CBX1: variants seen among roughly 807,000 people sequenced by gnomAD.
CBX1 encodes the protein chromobox protein homolog 1.
Under a neutral mutation model 25.1 loss-of-function variants are expected in CBX1, and 10 were observed. The observed-to-expected ratio is 0.40, with a 90% confidence interval of 0.25 to 0.68. The LOEUF (loss-of-function observed/expected upper bound fraction) is 0.68. Ranked by LOEUF, CBX1 falls within the 30% of genes least tolerant of loss-of-function variation. The pLI, the probability that CBX1 is intolerant of heterozygous loss-of-function variation, is 0.40. For missense variants in CBX1, 106 were observed against 218.5 expected (o/e 0.49, Z 3.25); for synonymous variants, 63 against 79.4 (o/e 0.79, Z 1.10).
chr17:48,095,602 T>C (rs2063370139), intron 1 of CBX1: 2 of 152,196 alleles, frequency 1.3e-5, no homozygotes, highest in Non-Finnish European at 2.9e-5. Context: ...GGAATAGAAT[T>C]CCAAAGCTAT....
At chr17:48,088,480 G>A (rs1174746578) in intron 1 of CBX1, among the ~76,000 whole-genome samples, 18 of 151,900 alleles carry the variant, frequency 1.2e-4, no homozygotes, top group Admixed American at 1.1e-3. Context: ...TTAGCCGGGC[G>A]TGGTGGCGCA....
At chr17:48,090,190 C>CTGCG (rs1046952165) in intron 1 of CBX1, among the ~76,000 whole-genome samples, 14 of 152,130 alleles carry the variant, frequency 9.2e-5, no homozygotes, top group African/African-American at 3.4e-4. Flanking sequence ...GCACGAGTCA[C>CTGCG]TGCGCCCGGC....
At chr17:48,074,273 A>AT (rs1306961520) in intron 4 of CBX1, among the ~76,000 whole-genome samples, 1 of 152,208 alleles carries the variant, frequency 6.6e-6, no homozygotes, top group Admixed American at 6.5e-5. Context: ...TGCTGCCTTC[A>AT]TTGGCAATGG....
intron 1 of CBX1, among the ~76,000 whole-genome samples, chr17:48,077,550 A>T (rs1006483109): frequency 6.7e-6 from 1 of 149,632 alleles, no homozygotes; most frequent in African/African-American, 2.5e-5. Flanking sequence ...TCGGCCTCCC[A>T]AAGTGTTGGA....
intron 1 of CBX1, among the ~76,000 whole-genome samples, chr17:48,082,987 C>T (rs2037753827): frequency 6.7e-6 from 1 of 149,344 alleles, no homozygotes; most frequent in South Asian, 2.1e-4. Context: ...CTGCCTCAGC[C>T]TCCCAAGTAG....
At chr17:48,081,227 CACTG>C (rs1173484617) in intron 1 of CBX1, among the ~76,000 whole-genome samples, 2 of 150,826 alleles carry the variant, frequency 1.3e-5, no homozygotes, top group Non-Finnish European at 3.0e-5. Context: ...AATAAAACAG[CACTG>C]ACTATTATCC....
intron 1 of CBX1, chr17:48,100,960 C>G (rs2063406267): frequency 1.0e-6 from 1 of 986,358 alleles, no homozygotes; most frequent in African/African-American, 1.7e-5. Flanking sequence ...GCCGCCCAGC[C>G]AAGCAACATT....
chr17:48,087,598 G>A (rs918734900), intron 1 of CBX1, among the ~76,000 whole-genome samples: 32 of 152,026 alleles, frequency 2.1e-4, no homozygotes, highest in African/African-American at 7.2e-4. Flanking sequence ...AAAAGGCTGG[G>A]CGCAGTGGCT....
intron 1 of CBX1, among the ~76,000 whole-genome samples, chr17:48,093,185 G>A (rs113037179): frequency 0.17 from 25,056 of 150,906 alleles, 2,123 homozygotes; most frequent in Middle Eastern, 0.18. Context: ...AAAGCAGGGA[G>A]AACTGCTTGA....
intron 1 of CBX1, among the ~76,000 whole-genome samples, chr17:48,080,951 A>AAAT (rs1567765514): frequency 3.0e-5 from 1 of 33,276 alleles, no homozygotes. Context: ...AAAAAAAAAA[A>AAAT]ATATATATAT....
Position 48,070,588 on chromosome 17 carries a change from T to C in CBX1, c.*847A>G, listed in dbSNP as rs900381971. 6.6e-6 allele frequency: 1 copy of C among 152,660 alleles called. No individual in the cohort carries two copies. The highest frequency in any genetic ancestry group is 1.5e-5 in the Non-Finnish European group (1 of 68,056). The allele number at this position is 152,660 out of a possible 1,614,324, so 9.5% of individuals were successfully genotyped here. ...AAGCTGATATTTATAACTTCGTTAC[T>C]GGAAAAGAAAGGGTCTTCTAATTTC... On this transcript the variant is annotated 3_prime_UTR_variant, in exon 5 of 5. Coordinates refer to ENST00000225603, the MANE Select transcript of CBX1 (RefSeq NM_001127228.2).
intron 4 of CBX1, among the ~76,000 whole-genome samples, chr17:48,073,786 C>G (rs2037648092): frequency 7.1e-6 from 1 of 141,562 alleles, no homozygotes; most frequent in African/African-American, 2.7e-5. Flanking sequence ...GAGATCGTGC[C>G]ACTGCACTCC....
At chr17:48,072,379 C>T (rs141671359) in intron 4 of CBX1, among the ~76,000 whole-genome samples, 180 of 152,222 alleles carry the variant, frequency 1.2e-3, no homozygotes, top group African/African-American at 4.2e-3. Flanking sequence ...TTTGCATAAT[C>T]GTAATTACAC....
In CBX1 at chr17:48,101,451, C is replaced by T. The variant is rs1299766975; in HGVS notation, c.-221G>A. ...CCTCCCCTCAGCCGAACAAAAGAGCCTCGCAGTCTGCGCTGCCCGCCGCTC... is the reference window on the plus strand; with the variant it reads ...CCTCCCCTCAGCCGAACAAAAGAGCTTCGCAGTCTGCGCTGCCCGCCGCTC... On this transcript the variant is annotated 5_prime_UTR_variant, in exon 1 of 5. Transcript: ENST00000225603. 5.1e-6 allele frequency: 5 copies of T among 985,574 alleles called. No individual in the cohort carries two copies. In the East Asian group the frequency reaches 4.5e-4, roughly 89 times the overall value. 61.1% of individuals were successfully genotyped at this position (985,574 alleles called of 1,614,324 possible). A position where few individuals can be genotyped will look rare whatever the true frequency, so the allele number is the denominator to read the frequency against.
chr17:48,083,075 A>G, intron 1 of CBX1, among the ~76,000 whole-genome samples: 1 of 149,878 alleles, frequency 6.7e-6, no homozygotes, highest in Admixed American at 6.6e-5. Context: ...CATGTTGGTC[A>G]GGCTGGTCTT....
At position 48,075,137 on chromosome 17, in the gene CBX1, A is replaced by G. The variant is rs184622224; in HGVS notation, c.319-37T>C. 1.4e-5 allele frequency: 18 copies of G among 1,303,100 alleles called. No homozygotes were observed. The East Asian group carries it at 2.1e-4, about 15-fold the overall frequency. 80.7% of individuals were successfully genotyped at this position (1,303,100 alleles called of 1,614,324 possible). ...AGATGGGTAGAACAATTTTATCTAT[A>G]TGGGACTATTATCCAGACTGGAACC... On this transcript the variant is annotated intron_variant, in intron 3 of 4. Transcript: ENST00000225603.
chr17:48,096,249 G>A (rs2063374360), intron 1 of CBX1: 7 of 528,612 alleles, frequency 1.3e-5, no homozygotes, highest in South Asian at 8.2e-5. Flanking sequence ...GCTGGTGTGC[G>A]AATACATTTT....
chr17:48,071,684 T>C (rs946079741), intron 4 of CBX1, 105 bp from the exon 5 acceptor site: 5 of 932,326 alleles, frequency 5.4e-6, no homozygotes, highest in Non-Finnish European at 7.7e-6. Context: ...TTTAGAAAAA[T>C]AGGCTAGGGA....
At chr17:48,079,095 C>CCATGTTCTCTTGTTCTTTATGCAGTCT (rs1159912178) in intron 1 of CBX1, among the ~76,000 whole-genome samples, 2 of 151,328 alleles carry the variant, frequency 1.3e-5, no homozygotes, top group East Asian at 3.9e-4. Context: ...CCGAACCCAG[C>CCATGTTCTCTTGTTCTTTATGCAGTCT]TCCAGCCCCG....
Sources: allele counts gnomAD v4.1 joint callset (sites outside exome capture counted in the v4.1 genomes callset), GRCh38; gene constraint gnomAD v4.1.1; transcripts MANE v1.5; gene names NCBI Gene and HGNC (gene_info 2026-07-23, HGNC 2026-07-21).